NT5DC1: variants seen among roughly 807,000 people sequenced by gnomAD.
The protein encoded by NT5DC1 is 5'-nucleotidase domain-containing protein 1.
Under a neutral mutation model 59.4 loss-of-function variants are expected in NT5DC1, and 42 were observed. The observed-to-expected ratio is 0.71, with a 90% CI of 0.55 to 0.92. The LOEUF (loss-of-function observed/expected upper bound fraction) is 0.92. Ranked by LOEUF, NT5DC1 falls within the 40% of genes least tolerant of loss-of-function variation. The pLI is 0.00. For synonymous variants in NT5DC1, 172 were observed against 188.1 expected (o/e 0.91, Z 0.70); for missense variants, 501 against 537.1 (o/e 0.93, Z 0.66).
At chr6:116,151,369 GAAGA>G (rs1264105224) in intron 6 of NT5DC1, among the ~76,000 whole-genome samples, 3 of 152,106 alleles carry the variant, frequency 2.0e-5, no homozygotes, top group African/African-American at 4.8e-5. Context: ...AATTGTACAG[GAAGA>G]AAGATTCTTT....
chr6:116,207,091 A>C (rs965435280), intron 6 of NT5DC1, among the ~76,000 whole-genome samples: 5 of 151,974 alleles, frequency 3.3e-5, no homozygotes, highest in South Asian at 2.1e-4. Context: ...TTTTATTAGA[A>C]AATAGTTTCA....
At chr6:116,174,418 C>T (rs1350031247) in intron 6 of NT5DC1, among the ~76,000 whole-genome samples, 2 of 152,122 alleles carry the variant, frequency 1.3e-5, no homozygotes, top group African/African-American at 4.8e-5. Context: ...CCCCTCACTC[C>T]TGAAGGAAAA....
chr6:116,112,820 A>AT (rs1778905247), intron 4 of NT5DC1, among the ~76,000 whole-genome samples: 1 of 152,234 alleles, frequency 6.6e-6, no homozygotes, highest in Non-Finnish European at 1.5e-5. Flanking sequence ...TTTGGTAAAT[A>AT]TTGCCAAATA....
At chr6:116,225,333 G>A (rs1409765307) in intron 8 of NT5DC1, among the ~76,000 whole-genome samples, 2 of 152,164 alleles carry the variant, frequency 1.3e-5, no homozygotes, top group Admixed American at 6.5e-5. Flanking sequence ...TCATAGATAG[G>A]TATTTGAAGC....
At chr6:116,171,113 A>G (rs1411320502) in intron 6 of NT5DC1, among the ~76,000 whole-genome samples, 1 of 151,730 alleles carries the variant, frequency 6.6e-6, no homozygotes, top group African/African-American at 2.4e-5. Flanking sequence ...CCAACATAGC[A>G]CTTGATCCAT....
At chr6:116,218,336 AT>A (rs1562169660) in intron 6 of NT5DC1, among the ~76,000 whole-genome samples, 1 of 152,100 alleles carries the variant, frequency 6.6e-6, no homozygotes, top group Admixed American at 6.6e-5. Flanking sequence ...AGAAAAAATA[AT>A]TTTTTCTCAA....
chr6:116,146,230 C>G (rs1779895290), intron 6 of NT5DC1, among the ~76,000 whole-genome samples: 1 of 152,128 alleles, frequency 6.6e-6, no homozygotes, highest in Non-Finnish European at 1.5e-5. Flanking sequence ...AGATTTAAGT[C>G]CATTGTGTGG....
chr6:116,174,680 A>G lies in NT5DC1; in HGVS notation c.530-46374A>G, dbSNP rs949790912. Among the ~76,000 whole-genome samples the G allele has an allele frequency of 2.6e-5, 4 of 152,164 alleles. No individual in the cohort carries two copies. The East Asian group carries it at 7.7e-4, about 29-fold the overall frequency. The stretch of plus-strand genomic sequence containing the variant: ...TTTTTTAAAGACATCTTCGATTTTT[A>G]TACAGGTACTTGTTTTCTCTCCTTT... On this transcript the variant is annotated intron_variant, in intron 6 of 11. Transcript: ENST00000319550.
Position 116,110,596 on chromosome 6 carries a change from T to G in NT5DC1, c.258-254T>G, listed in dbSNP as rs1239766324. On this transcript the variant is annotated intron_variant, in intron 3 of 11. Transcript: ENST00000319550. ...ACAACTTCTCTAAAAAAGGGTGGTA[T>G]CTTATCCAGTGTTGACCTCAGAGTG... The G allele has an allele frequency of 1.8e-5, 10 of 559,122 alleles. No homozygotes were observed. The South Asian group carries it at 2.0e-4, about 11-fold the overall frequency. The allele number at this position is 559,122 out of a possible 1,614,324, so 34.6% of individuals were successfully genotyped here.
Position 116,210,457 on chromosome 6 carries a change from G to A in NT5DC1, c.530-10597G>A, listed in dbSNP as rs938560739. ...AACTGGGCAGTATTGCACAAGCTCC[G>A]AAAGCAGACCGCCTGCATTCAAATT... On this transcript the variant is annotated intron_variant, in intron 6 of 11. Transcript: ENST00000319550. 4.6e-5 allele frequency among the ~76,000 whole-genome samples: 7 copies of A among 151,838 alleles called. No individual in the cohort carries two copies. The East Asian group carries it at 5.8e-4, about 13-fold the overall frequency.
intron 6 of NT5DC1, among the ~76,000 whole-genome samples, chr6:116,192,352 G>C (rs758537123): frequency 1.3e-5 from 2 of 151,928 alleles, no homozygotes; most frequent in South Asian, 4.1e-4. Flanking sequence ...CATTATTTCC[G>C]TTTTGGGTAT....
chr6:116,231,106 C>CAAAAAAAA (rs34948626), intron 8 of NT5DC1, among the ~76,000 whole-genome samples: 2 of 69,980 alleles, frequency 2.9e-5, no homozygotes, highest in Non-Finnish European at 5.1e-5. Flanking sequence ...AACTCCGTCT[C>CAAAAAAAA]AAAAAAAAAA....
At chr6:116,153,953 G>A (rs1780116332) in intron 6 of NT5DC1, among the ~76,000 whole-genome samples, 1 of 151,176 alleles carries the variant, frequency 6.6e-6, no homozygotes, top group South Asian at 2.1e-4. Context: ...GTGTAAAGCT[G>A]TATGTATTGC....
At chr6:116,178,870 CT>C (rs1353317255) in intron 6 of NT5DC1, among the ~76,000 whole-genome samples, 1 of 152,198 alleles carries the variant, frequency 6.6e-6, no homozygotes, top group Non-Finnish European at 1.5e-5. Flanking sequence ...TAAAAATCTT[CT>C]TGCTTTAAGC....
rs544436379 is a variant in NT5DC1, at chr6:116,194,737, AT to A, written c.530-26316del. On this transcript the variant is annotated intron_variant, in intron 6 of 11. Transcript: ENST00000319550. ...TTATTTAGAGTTTTGAATGTAAATT[AT>A]CAGAAGAGTTAGAAACAAATGACTA... 3.2e-4 allele frequency among the ~76,000 whole-genome samples: 49 copies of A among 152,204 alleles called. No homozygotes were observed. In the East Asian group the frequency reaches 4.7e-3, roughly 14 times the overall value.
At chr6:116,167,206 ATTTTTTTTTTTTTTT>A (rs61348980) in intron 6 of NT5DC1, among the ~76,000 whole-genome samples, 1 of 87,816 alleles carries the variant, frequency 1.1e-5, no homozygotes, top group South Asian at 4.0e-4. Context: ...CAAATAGAAG[ATTTTTTTTTTTTTTT>A]TTTTTTTTTT....
At chr6:116,207,351 G>A (rs1582873620) in intron 6 of NT5DC1, among the ~76,000 whole-genome samples, 1 of 119,374 alleles carries the variant, frequency 8.4e-6, no homozygotes, top group South Asian at 3.3e-4. Context: ...TGGACTTAAT[G>A]TATTCTAAAG....
At chr6:116,234,122 G>A (rs781080110) in intron 8 of NT5DC1, among the ~76,000 whole-genome samples, 19 of 150,954 alleles carry the variant, frequency 1.3e-4, no homozygotes, top group South Asian at 4.2e-4. Context: ...CACCATGCCC[G>A]GCTAATTTTT....
chr6:116,243,720 A>G (rs1028892396), intron 11 of NT5DC1, among the ~76,000 whole-genome samples, 189 bp from the exon 12 acceptor site: 1 of 152,202 alleles, frequency 6.6e-6, no homozygotes, highest in African/African-American at 2.4e-5. Flanking sequence ...ATGTATTACA[A>G]TGGTGGTTGG....
Sources: gnomAD v4.1 joint callset for allele counts (sites outside exome capture counted in the v4.1 genomes callset) on GRCh38, gnomAD v4.1.1 for gene constraint, MANE v1.5 for transcripts, NCBI Gene and HGNC (gene_info 2026-07-23, HGNC 2026-07-21) for gene names.